PPP1R12A: variants seen among roughly 807,000 people sequenced by gnomAD.
The protein encoded by PPP1R12A is myosin binding subunit.
A neutral mutation model predicts 139.6 loss-of-function variants in PPP1R12A; 19 were observed. That is an observed-to-expected ratio of 0.14 (90% CI 0.09 to 0.20). The LOEUF (loss-of-function observed/expected upper bound fraction) is 0.20. Ranked by LOEUF, PPP1R12A falls within the 10% of genes least tolerant of loss-of-function variation. The probability of loss-of-function intolerance (pLI) is 1.00; values close to 1 mark genes in which losing one functional copy is unlikely to be tolerated. For synonymous variants in PPP1R12A, 427 were observed against 420.6 expected (o/e 1.02, Z -0.19); for missense variants, 925 against 1,211.5 (o/e 0.76, Z 3.51).
chr12:79,910,138 G>A (rs899633601), intron 1 of PPP1R12A, among the ~76,000 whole-genome samples: 2 of 152,106 alleles, frequency 1.3e-5, no homozygotes, highest in African/African-American at 4.8e-5. Context: ...TAGTCTAAAA[G>A]ACCTAATTCA....
chr12:79,792,797 A>C (rs1025471604), intron 19 of PPP1R12A, among the ~76,000 whole-genome samples: 7 of 152,324 alleles, frequency 4.6e-5, no homozygotes, highest in East Asian at 1.9e-4. Context: ...TTAATAAAGA[A>C]GGGACATAGG....
intron 1 of PPP1R12A, among the ~76,000 whole-genome samples, chr12:79,921,782 C>A (rs1306844856): frequency 6.6e-6 from 1 of 152,158 alleles, no homozygotes; most frequent in Non-Finnish European, 1.5e-5. Context: ...TAAATGAATA[C>A]AGATATTGTT....
At chr12:79,853,526 G>C (rs1475452195) in intron 2 of PPP1R12A, among the ~76,000 whole-genome samples, 1 of 152,166 alleles carries the variant, frequency 6.6e-6, no homozygotes, top group Non-Finnish European at 1.5e-5. Context: ...ACACTTATGA[G>C]AGAAATTAAT....
At position 79,791,599 on chromosome 12, in the gene PPP1R12A, C is replaced by A. The variant is rs145286626; in HGVS notation, c.2650-1116G>T. Among the ~76,000 whole-genome samples, 797 of 152,204 alleles carry A rather than the reference C, an allele frequency of 5.2e-3. 5 individuals are homozygous for A. The highest frequency in any genetic ancestry group is 0.018 in the African/African-American group (757 of 41,528). ...CACCTCAGCCTCCCAGAGTGTTGGG[C>A]TTATAGGTGTGAGCCACCATGCCCG... On this transcript the variant is annotated intron_variant, in intron 19 of 24. Transcript: ENST00000450142.
intron 1 of PPP1R12A, among the ~76,000 whole-genome samples, chr12:79,914,914 T>C (rs1474367297): frequency 6.6e-6 from 1 of 152,098 alleles, no homozygotes; most frequent in Non-Finnish European, 1.5e-5. Context: ...AGAGAACTTC[T>C]TGAGTTGCAT....
intron 9 of PPP1R12A, among the ~76,000 whole-genome samples, chr12:79,815,812 T>C (rs1875301944): frequency 6.6e-6 from 1 of 152,190 alleles, no homozygotes; most frequent in African/African-American, 2.4e-5. Flanking sequence ...GAGTTCTAAC[T>C]GAATTCAAGA....
chr12:79,897,393 G>A lies in PPP1R12A; in HGVS notation c.238-24455C>T, dbSNP rs1001023734. Among the ~76,000 whole-genome samples, 4 of 152,236 alleles carry A rather than the reference G, an allele frequency of 2.6e-5. No individual in the cohort carries two copies. In the East Asian group the frequency reaches 5.8e-4, roughly 22 times the overall value. On this transcript the variant is annotated intron_variant, in intron 1 of 24. Transcript: ENST00000450142. The stretch of plus-strand genomic sequence containing the variant: ...AAGATGGCAACAACAGTGGGGAGTC[G>A]GGGAGGGAACAAGGGAGAGTGGGAA...
In PPP1R12A at chr12:79,817,383, T is replaced by C; in HGVS notation, c.1239+11A>G. ...ATACATGTATTTTCAGCAAATACAA[T>C]TTTGGCTTACCTTTTTAATAGGTGA... On this transcript the variant is annotated intron_variant, in intron 9 of 24. Transcript: ENST00000450142. The C allele has an allele frequency of 6.2e-7, 1 of 1,608,594 alleles. No homozygotes were observed. The highest frequency in any genetic ancestry group is 8.5e-7 in the Non-Finnish European group (1 of 1,176,834).
rs567812519 is a variant in PPP1R12A at position 79,836,722 on chromosome 12, A to G, written c.488-4231T>C. Among the ~76,000 whole-genome samples, 6 of 152,326 alleles carry G rather than the reference A, an allele frequency of 3.9e-5. No homozygotes were observed. The East Asian group carries it at 1.2e-3, about 29-fold the overall frequency. ...CAAAAACTTGAAGAAAAAAAAATCT[A>G]ATTGTACTATGTATTAGGAGACTTG... is the stretch of plus-strand genomic sequence containing the variant. On this transcript the variant is annotated intron_variant, in intron 3 of 24. Coordinates refer to ENST00000450142, the MANE Select transcript of PPP1R12A (RefSeq NM_002480.3).
chr12:79,901,125 T>C (rs1007912212), intron 1 of PPP1R12A, among the ~76,000 whole-genome samples: 4 of 152,134 alleles, frequency 2.6e-5, no homozygotes, highest in East Asian at 3.9e-4. Flanking sequence ...GAACACACAA[T>C]AGAGGGCTCT....
At chr12:79,789,880 A>G (rs1592615944) in intron 20 of PPP1R12A, among the ~76,000 whole-genome samples, 1 of 151,782 alleles carries the variant, frequency 6.6e-6, no homozygotes, top group East Asian at 1.9e-4. Flanking sequence ...TGGGAGCTCA[A>G]GTGATCCTTC....
intron 4 of PPP1R12A, among the ~76,000 whole-genome samples, chr12:79,830,103 T>TAA (rs767888100): frequency 6.9e-6 from 1 of 145,584 alleles, no homozygotes; most frequent in Non-Finnish European, 1.5e-5. Flanking sequence ...TTCACAAAGT[T>TAA]AAAAAAAAAA....
At chr12:79,901,178 T>C (rs1440624035) in intron 1 of PPP1R12A, among the ~76,000 whole-genome samples, 1 of 152,198 alleles carries the variant, frequency 6.6e-6, no homozygotes, top group African/African-American at 2.4e-5. Flanking sequence ...CAGAAGTAAC[T>C]GTTTGAGATG....
At chr12:79,820,066 T>C (rs906905923) in intron 8 of PPP1R12A, among the ~76,000 whole-genome samples, 3 of 152,066 alleles carry the variant, frequency 2.0e-5, no homozygotes, top group Non-Finnish European at 4.4e-5. Flanking sequence ...ATAATTGTTA[T>C]ATGTTACATA....
rs1028674405 is a variant in PPP1R12A, at chr12:79,918,376, C to T, written c.237+16319G>A. 3.9e-5 allele frequency among the ~76,000 whole-genome samples: 6 copies of T among 152,136 alleles called. No homozygotes were observed. In the South Asian group the frequency reaches 6.2e-4, roughly 16 times the overall value. ...TGTGCACAACATCCTGTACAGATAG[C>T]CTATAGTGTACATTTTACACTTGAT... is the stretch of plus-strand genomic sequence containing the variant. On this transcript the variant is annotated intron_variant, in intron 1 of 24. Coordinates refer to ENST00000450142, the MANE Select transcript of PPP1R12A (RefSeq NM_002480.3).
At chr12:79,917,856 T>C (rs970298688) in intron 1 of PPP1R12A, among the ~76,000 whole-genome samples, 3 of 152,208 alleles carry the variant, frequency 2.0e-5, no homozygotes, top group Admixed American at 2.0e-4. Flanking sequence ...ATTCTTTCAC[T>C]ATACAATTAG....
chr12:79,868,835 C>G (rs1272728371), intron 2 of PPP1R12A, among the ~76,000 whole-genome samples: 1 of 151,482 alleles, frequency 6.6e-6, no homozygotes, highest in Non-Finnish European at 1.5e-5. Flanking sequence ...ATTCAGCACC[C>G]CAAAGGAAAA....
intron 1 of PPP1R12A, among the ~76,000 whole-genome samples, chr12:79,933,920 C>G (rs1334461532): frequency 1.3e-5 from 2 of 152,142 alleles, no homozygotes; most frequent in Non-Finnish European, 2.9e-5. Flanking sequence ...TTATTCTTCT[C>G]TTTCTAACAC....
chr12:79,785,323 A>ATAGTAGC (rs1359417359), intron 22 of PPP1R12A, among the ~76,000 whole-genome samples: 1 of 152,240 alleles, frequency 6.6e-6, no homozygotes. Context: ...GAAGTTTGGC[A>ATAGTAGC]TAGTAGCTAC....
Sources: allele counts gnomAD v4.1 joint callset (sites outside exome capture counted in the v4.1 genomes callset), GRCh38; gene constraint gnomAD v4.1.1; transcripts MANE v1.5; gene names NCBI Gene and HGNC (gene_info 2026-07-23, HGNC 2026-07-21).